The following SNTG2 variants were observed in gnomAD, a reference collection of about 807,000 sequenced individuals.
SNTG2 encodes the protein gamma-2-syntrophin.
A neutral mutation model predicts 70.9 loss-of-function variants in SNTG2; 74 were observed. The ratio of observed to expected loss-of-function variants is 1.04; its 90% confidence interval spans 0.86 to 1.27. SNTG2 has a LOEUF of 1.27. Ranked by LOEUF, SNTG2 falls within the 50% of genes most tolerant of loss-of-function variation. The pLI is 0.00. For missense variants in SNTG2, 717 were observed against 690.7 expected, an observed-to-expected ratio of 1.04 and a Z score of -0.43; for synonymous variants, 278 against 273.8, an observed-to-expected ratio of 1.02 and a Z score of -0.15.
chr2:1,209,004 T>C (rs928139979), intron 8 of SNTG2, 99 bp from the exon 9 acceptor site: 1 of 1,443,304 alleles, frequency 6.9e-7, no homozygotes, highest in South Asian at 1.3e-5. Flanking sequence ...TTGAAATGTG[T>C]TGGACTTGAG....
intron 1 of SNTG2, among the ~76,000 whole-genome samples, chr2:978,095 A>G (rs1660972836): frequency 6.6e-6 from 1 of 152,212 alleles, no homozygotes; most frequent in Non-Finnish European, 1.5e-5. Context: ...CATACCCAAC[A>G]TGGGCGAATC....
chr2:1,162,453 T>G (rs1279061368), intron 6 of SNTG2, among the ~76,000 whole-genome samples: 1 of 152,160 alleles, frequency 6.6e-6, no homozygotes, highest in Non-Finnish European at 1.5e-5. Flanking sequence ...CAAACTGCTC[T>G]TGTCCTGGTG....
intron 4 of SNTG2, among the ~76,000 whole-genome samples, chr2:1,135,941 C>T (rs957093026): frequency 6.6e-6 from 1 of 152,116 alleles, no homozygotes. Flanking sequence ...AGCTTAGTTT[C>T]CCATGCGTCA....
In SNTG2 at chr2:1,074,574, A is replaced by G. The variant is rs138459385; in HGVS notation, c.73-8944A>G. Reference sequence around the variant, plus strand: ...TTCAATTCTATAAAAATGAAAAGATAAGACTATTTTGTAATTCGTTGCATT... The same window carrying G: ...TTCAATTCTATAAAAATGAAAAGATGAGACTATTTTGTAATTCGTTGCATT... On this transcript the variant is annotated intron_variant, in intron 1 of 16. Transcript: ENST00000308624. Among the ~76,000 whole-genome samples, 946 of 152,336 alleles carry G rather than the reference A, an allele frequency of 6.2e-3. 10 individuals carry two copies. The highest frequency in any genetic ancestry group is 0.021 in the African/African-American group (893 of 41,570).
chr2:1,366,329 T>A (rs1558236082), intron 16 of SNTG2, among the ~76,000 whole-genome samples: 1 of 152,164 alleles, frequency 6.6e-6, no homozygotes, highest in Non-Finnish European at 1.5e-5. Context: ...AACAGGAAGA[T>A]GATTTTTCCC....
chr2:973,771 T>C (rs1660823168), intron 1 of SNTG2, among the ~76,000 whole-genome samples: 1 of 152,208 alleles, frequency 6.6e-6, no homozygotes, highest in Non-Finnish European at 1.5e-5. Context: ...CTCAGGTGTC[T>C]TTATTCTTTC....
chr2:1,234,092 A>G (rs1454487269), intron 9 of SNTG2, among the ~76,000 whole-genome samples: 1 of 152,174 alleles, frequency 6.6e-6, no homozygotes, highest in African/African-American at 2.4e-5. Flanking sequence ...GGCCACCATG[A>G]GGCGGGTAGA....
chr2:1,351,685 C>T (rs1360491926), intron 16 of SNTG2, among the ~76,000 whole-genome samples: 1 of 152,178 alleles, frequency 6.6e-6, no homozygotes, highest in African/African-American at 2.4e-5. Context: ...TTCTCTGTCA[C>T]CAGTTGTTTC....
At chr2:982,870 A>G (rs927396649) in intron 1 of SNTG2, among the ~76,000 whole-genome samples, 2 of 152,074 alleles carry the variant, frequency 1.3e-5, no homozygotes, top group Admixed American at 1.3e-4. Context: ...GGAAACTGTG[A>G]GACACTAAAA....
chr2:1,091,970 G>T (rs1665056911), intron 2 of SNTG2, among the ~76,000 whole-genome samples: 1 of 152,168 alleles, frequency 6.6e-6, no homozygotes, highest in African/African-American at 2.4e-5. Context: ...CTTTTAAAAA[G>T]TGGAGAGAGA....
At chr2:1,015,619 T>C (rs895401661) in intron 1 of SNTG2, among the ~76,000 whole-genome samples, 2 of 152,206 alleles carry the variant, frequency 1.3e-5, no homozygotes, top group Non-Finnish European at 2.9e-5. Context: ...TGGAGAAATA[T>C]AAATTTCCAT....
At chr2:958,114 CA>C (rs1660232807) in intron 1 of SNTG2, among the ~76,000 whole-genome samples, 1 of 152,128 alleles carries the variant, frequency 6.6e-6, no homozygotes, top group Non-Finnish European at 1.5e-5. Context: ...CCCACCTACA[CA>C]TAAGACTGTA....
intron 1 of SNTG2, 24 bp downstream of exon 1, chr2:951,092 C>T (rs1659940044): frequency 2.9e-5 from 35 of 1,221,198 alleles, no homozygotes; most frequent in Non-Finnish European, 3.6e-5. Flanking sequence ...CTCAGCGCCC[C>T]TTCACCTCCG....
chr2:1,207,951 T>C (rs907602018), intron 8 of SNTG2, among the ~76,000 whole-genome samples: 3 of 152,180 alleles, frequency 2.0e-5, no homozygotes, highest in African/African-American at 7.2e-5. Context: ...ATAGTGAACA[T>C]CCAGCAGCTT....
chr2:1,063,884 G>A (rs1572342404), intron 1 of SNTG2, among the ~76,000 whole-genome samples: 1 of 152,130 alleles, frequency 6.6e-6, no homozygotes, highest in South Asian at 2.1e-4. Flanking sequence ...ACATACAATG[G>A]CCACGAATTT....
intron 1 of SNTG2, among the ~76,000 whole-genome samples, chr2:996,191 C>A (rs981885521): frequency 6.6e-6 from 1 of 152,040 alleles, no homozygotes; most frequent in Non-Finnish European, 1.5e-5. Context: ...GTTTTCTGGT[C>A]CATACTGGGT....
At chr2:992,616 T>C (rs185863989) in intron 1 of SNTG2, among the ~76,000 whole-genome samples, 1 of 152,344 alleles carries the variant, frequency 6.6e-6, no homozygotes, top group East Asian at 1.9e-4. Flanking sequence ...ATCTTCCCAA[T>C]TTACAAGAGT....
intron 1 of SNTG2, among the ~76,000 whole-genome samples, chr2:1,010,654 G>A (rs1036281918): frequency 6.6e-6 from 1 of 152,152 alleles, no homozygotes; most frequent in African/African-American, 2.4e-5. Flanking sequence ...TTTTTCAGAT[G>A]GTGCTTGGTT....
At chr2:1,008,833 T>G (rs1659644042) in intron 1 of SNTG2, among the ~76,000 whole-genome samples, 1 of 152,208 alleles carries the variant, frequency 6.6e-6, no homozygotes, top group Non-Finnish European at 1.5e-5. Flanking sequence ...AAACTCAGGT[T>G]TCCCAGGTTT....
Sources: gnomAD v4.1 joint callset for allele counts (sites outside exome capture counted in the v4.1 genomes callset) on GRCh38, gnomAD v4.1.1 for gene constraint, MANE v1.5 for transcripts, NCBI Gene and HGNC (gene_info 2026-07-23, HGNC 2026-07-21) for gene names.